FRMD5: variants seen among roughly 807,000 people sequenced by gnomAD.
FRMD5 encodes the protein FERM domain containing 5.
FRMD5 carries 20 observed loss-of-function variants against 69.0 expected under a neutral mutation model. The observed-to-expected ratio is 0.29, with a 90% confidence interval of 0.20 to 0.42. The LOEUF is 0.42. FRMD5 is among the 10% of genes least tolerant of loss of function. The probability of loss-of-function intolerance (pLI) is 1.00; values close to 1 mark genes in which losing one functional copy is unlikely to be tolerated. For synonymous variants in FRMD5, 271 were observed against 260.1 expected (o/e 1.04, Z -0.40); for missense variants, 595 against 708.6 (o/e 0.84, Z 1.82).
At chr15:44,127,113 C>T (rs184375142) in intron 1 of FRMD5, among the ~76,000 whole-genome samples, 1 of 152,140 alleles carries the variant, frequency 6.6e-6, no homozygotes, top group Non-Finnish European at 1.5e-5. Context: ...AATGGAGTCT[C>T]GCTCTGTCGC....
At chr15:43,964,226 G>A (rs1035713856) in intron 1 of FRMD5, among the ~76,000 whole-genome samples, 1 of 152,030 alleles carries the variant, frequency 6.6e-6, no homozygotes, top group African/African-American at 2.4e-5. Context: ...ACACTAGTGG[G>A]TCAGACTCAA....
chr15:43,872,215 A>AATC lies in FRMD5; in HGVS notation c.*1667_*1669dup, dbSNP rs2088178121. 6.6e-6 allele frequency: 1 copy of AATC among 152,216 alleles called. No individual in the cohort carries two copies. The highest frequency in any genetic ancestry group is 6.5e-5 in the Admixed American group (1 of 15,286). The allele number at this position is 152,216 out of a possible 1,614,324, so 9.4% of individuals were successfully genotyped here. A position where few individuals can be genotyped will look rare whatever the true frequency, so the allele number is the denominator to read the frequency against. Reference sequence around the variant, plus strand: ...GAAAGGATGTCTTTAAAATTATGCAAATCTCTCCCTAAGAACCCCAATTAT... The same window carrying AATC: ...GAAAGGATGTCTTTAAAATTATGCAAATCATCTCTCCCTAAGAACCCCAATTAT... On this transcript the variant is annotated 3_prime_UTR_variant, in exon 14 of 14. Transcript: ENST00000417257.
intron 1 of FRMD5, among the ~76,000 whole-genome samples, chr15:44,037,097 A>G (rs1021459224): frequency 5.9e-5 from 9 of 152,068 alleles, no homozygotes; most frequent in African/African-American, 2.2e-4. Context: ...TCAGCCTGTC[A>G]ACTACATTAG....
At chr15:44,169,008 T>C (rs1204759033) in intron 1 of FRMD5, among the ~76,000 whole-genome samples, 1 of 152,198 alleles carries the variant, frequency 6.6e-6, no homozygotes, top group African/African-American at 2.4e-5. Flanking sequence ...GTTGCTCTAT[T>C]TATTCTCTCC....
chr15:44,155,238 C>A (rs1007415808), intron 1 of FRMD5, among the ~76,000 whole-genome samples: 11 of 152,160 alleles, frequency 7.2e-5, no homozygotes, highest in African/African-American at 2.6e-4. Context: ...TCAAGACCAT[C>A]CTGGCCAACA....
chr15:44,116,987 AG>A (rs2076878194), intron 1 of FRMD5, among the ~76,000 whole-genome samples: 2 of 88,896 alleles, frequency 2.2e-5, no homozygotes, highest in African/African-American at 4.4e-5. Flanking sequence ...GGGGTGGGGC[AG>A]GGGGGTGGGC....
intron 1 of FRMD5, among the ~76,000 whole-genome samples, chr15:43,996,572 A>C (rs1350936577): frequency 2.0e-5 from 3 of 151,864 alleles, no homozygotes; most frequent in African/African-American, 7.3e-5. Flanking sequence ...GTTTACATTG[A>C]TATTTCTGTG....
intron 8 of FRMD5, among the ~76,000 whole-genome samples, chr15:43,890,375 A>G (rs1052642758): frequency 6.6e-6 from 1 of 152,202 alleles, no homozygotes; most frequent in Admixed American, 6.5e-5. Flanking sequence ...ACCAAGAGCC[A>G]TCATGGTTTC....
chr15:44,184,425 G>C (rs370651514), intron 1 of FRMD5, among the ~76,000 whole-genome samples: 2 of 152,272 alleles, frequency 1.3e-5, no homozygotes, highest in African/African-American at 4.8e-5. Flanking sequence ...CCATTTGTTT[G>C]TACTGCCTCA....
intron 1 of FRMD5, among the ~76,000 whole-genome samples, chr15:43,997,608 C>G (rs575473353): frequency 1.3e-5 from 2 of 151,808 alleles, no homozygotes; most frequent in South Asian, 4.2e-4. Flanking sequence ...TGATGTAGTT[C>G]TACTACCAAA....
At position 43,873,455 on chromosome 15, in the gene FRMD5, GCAGAATA is replaced by G. The variant is rs1641370252; in HGVS notation, c.*423_*429del. ...AGTGGCACCAGCAGGAAAAGCTCCTGCAGAATACAGAGGACAGCAGCTCTCTAGTTTT... is the reference window on the plus strand; with the variant it reads ...AGTGGCACCAGCAGGAAAAGCTCCTGCAGAGGACAGCAGCTCTCTAGTTTT... On this transcript the variant is annotated 3_prime_UTR_variant, in exon 14 of 14. Coordinates refer to ENST00000417257, the MANE Select transcript of FRMD5 (RefSeq NM_032892.5). 1 of 1,428,466 alleles carries G rather than the reference GCAGAATA, an allele frequency of 7.0e-7. No individual in the cohort carries two copies. The highest frequency in any genetic ancestry group is 9.1e-7 in the Non-Finnish European group (1 of 1,101,540). The allele number at this position is 1,428,466 out of a possible 1,614,324, so 88.5% of individuals were successfully genotyped here.
chr15:43,891,733 C>T (rs999809484), intron 8 of FRMD5, among the ~76,000 whole-genome samples: 6 of 152,188 alleles, frequency 3.9e-5, no homozygotes, highest in Non-Finnish European at 8.8e-5. Flanking sequence ...CTCTCACCCT[C>T]CCCAGAAATC....
Position 43,873,034 on chromosome 15 carries a change from C to T in FRMD5, c.*851G>A. The T allele has an allele frequency of 2.9e-6, 2 of 697,642 alleles. No individual in the cohort carries two copies. Among genetic ancestry groups the T allele is most frequent in the South Asian group, 3.8e-5 (2 of 53,012 alleles). The allele number at this position is 697,642 out of a possible 1,614,324, so 43.2% of individuals were successfully genotyped here. A position where few individuals can be genotyped will look rare whatever the true frequency, so the allele number is the denominator to read the frequency against. On this transcript the variant is annotated 3_prime_UTR_variant, in exon 14 of 14. Transcript: ENST00000417257. Reference sequence around the variant, plus strand: ...ACAGAACTATCTATCTCTGGTACCACTGAATTCGTTTAACGCCCCTGGAGC... The same window carrying T: ...ACAGAACTATCTATCTCTGGTACCATTGAATTCGTTTAACGCCCCTGGAGC...
intron 1 of FRMD5, among the ~76,000 whole-genome samples, chr15:43,931,322 G>C (rs1222218680): frequency 6.6e-6 from 1 of 152,058 alleles, no homozygotes; most frequent in African/African-American, 2.4e-5. Flanking sequence ...GGCTTGTTAG[G>C]AAAAAACTCA....
chr15:44,109,738 C>T (rs965899427), intron 1 of FRMD5, among the ~76,000 whole-genome samples: 5 of 152,134 alleles, frequency 3.3e-5, no homozygotes, highest in South Asian at 4.2e-4. Context: ...TGTACAATGA[C>T]GTATATCCAT....
chr15:44,177,214 C>T (rs1595559406), intron 1 of FRMD5, among the ~76,000 whole-genome samples: 2 of 152,002 alleles, frequency 1.3e-5, no homozygotes, highest in Non-Finnish European at 2.9e-5. Context: ...AAAACTTGTA[C>T]AAAAATGTTC....
At chr15:44,122,348 A>C (rs2076964710) in intron 1 of FRMD5, among the ~76,000 whole-genome samples, 1 of 151,426 alleles carries the variant, frequency 6.6e-6, no homozygotes, top group South Asian at 2.1e-4. Context: ...AGATCACTTG[A>C]GGTCAGGAGT....
chr15:44,066,518 G>GA (rs1287342785), intron 1 of FRMD5, among the ~76,000 whole-genome samples: 1 of 152,170 alleles, frequency 6.6e-6, no homozygotes, highest in Non-Finnish European at 1.5e-5. Flanking sequence ...GCATTCTGGG[G>GA]AAAAGGCATT....
chr15:43,951,980 TTGTGTGTG>T lies in FRMD5; in HGVS notation c.103-27679_103-27672del, dbSNP rs1174993374. Among the ~76,000 whole-genome samples the T allele has an allele frequency of 5.3e-4, 57 of 107,738 alleles. 1 individual carries two copies. The East Asian group carries it at 0.012, about 23-fold the overall frequency. The allele number at this position is 107,738 out of a possible 152,430, so 70.7% of individuals were successfully genotyped here. The stretch of plus-strand genomic sequence containing the variant: ...ATGTGCATGTGTGTGTGTGTGTGTG[TTGTGTGTG>T]TGTGTGTGTGTCTGTGTGTGTGTGT... On this transcript the variant is annotated intron_variant, in intron 1 of 13. Transcript: ENST00000417257.
Sources: allele counts gnomAD v4.1 joint callset (sites outside exome capture counted in the v4.1 genomes callset), GRCh38; gene constraint gnomAD v4.1.1; transcripts MANE v1.5; gene names NCBI Gene and HGNC (gene_info 2026-07-23, HGNC 2026-07-21).